The following RAD51B variants were observed in gnomAD, a reference collection of about 807,000 sequenced individuals.
RAD51B encodes the protein RAD51 paralog B, also known as DNA repair protein RAD51 homolog 2.
Under a neutral mutation model 42.2 loss-of-function variants are expected in RAD51B, and 38 were observed. That is an observed-to-expected ratio of 0.90 (90% CI 0.70 to 1.18). The LOEUF (loss-of-function observed/expected upper bound fraction) is 1.18. RAD51B is among the 50% of genes most tolerant of loss of function. The probability of loss-of-function intolerance (pLI) is 0.00; values close to 1 mark genes in which losing one functional copy is unlikely to be tolerated. For missense variants in RAD51B, 373 were observed against 400.7 expected (o/e 0.93, Z 0.59); for synonymous variants, 154 against 145.2 (o/e 1.06, Z -0.43).
chr14:68,570,873 C>CCACACACACACACACACA (rs9323516), intron 10 of RAD51B, among the ~76,000 whole-genome samples: 12 of 150,348 alleles, frequency 8.0e-5, no homozygotes, highest in African/African-American at 2.7e-4. Flanking sequence ...GGCTGGAGCG[C>CCACACACACACACACACA]CACACACACA....
chr14:68,468,911 T>TA (rs2086052546), intron 10 of RAD51B, among the ~76,000 whole-genome samples: 1 of 152,218 alleles, frequency 6.6e-6, no homozygotes. Context: ...AGATGCTAGA[T>TA]ACGCCAGTGG....
intron 7 of RAD51B, among the ~76,000 whole-genome samples, chr14:67,987,597 T>TC (rs35284405): frequency 0.027 from 4,093 of 152,276 alleles, 192 homozygotes; most frequent in African/African-American, 0.093. Flanking sequence ...TCTTTTTTTT[T>TC]CCTATTTTAA....
chr14:67,969,402 T>C (rs563096856), intron 7 of RAD51B, among the ~76,000 whole-genome samples: 1 of 152,326 alleles, frequency 6.6e-6, no homozygotes, highest in Non-Finnish European at 1.5e-5. Flanking sequence ...TTCTACCCAA[T>C]TACTGACATT....
chr14:68,176,976 A>C (rs1456736346), intron 7 of RAD51B, among the ~76,000 whole-genome samples: 1 of 152,152 alleles, frequency 6.6e-6, no homozygotes, highest in African/African-American at 2.4e-5. Flanking sequence ...TCTGTTCATA[A>C]TATTGTCATC....
At chr14:68,125,736 A>G (rs2077743351) in intron 7 of RAD51B, among the ~76,000 whole-genome samples, 2 of 150,220 alleles carry the variant, frequency 1.3e-5, no homozygotes, top group Non-Finnish European at 2.9e-5. Flanking sequence ...GGTATTTAAG[A>G]GGTTTTTGTT....
chr14:68,239,532 T>G (rs2080339718), intron 7 of RAD51B, among the ~76,000 whole-genome samples: 1 of 151,844 alleles, frequency 6.6e-6, no homozygotes, highest in South Asian at 2.1e-4. Flanking sequence ...TTTTTTAAAC[T>G]GGGCACCAGG....
chr14:68,478,130 A>G (rs893517449), downstream of RAD51B: 34 of 1,028,086 alleles, frequency 3.3e-5, no homozygotes, highest in Non-Finnish European at 3.9e-5. Context: ...GGGTCTCCAA[A>G]TAGTAACCGA....
At chr14:68,112,503 A>G (rs1157037969) in intron 7 of RAD51B, among the ~76,000 whole-genome samples, 1 of 152,144 alleles carries the variant, frequency 6.6e-6, no homozygotes. Context: ...CACAAATCTA[A>G]TTCTTCATGC....
Position 67,823,527 on chromosome 14 carries a change from T to C in RAD51B, c.-2-15T>C, listed in dbSNP as rs1402744733. 6.2e-7 allele frequency: 1 copy of C among 1,609,040 alleles called. No individual in the cohort carries two copies. Among genetic ancestry groups the C allele is most frequent in the Non-Finnish European group, 8.5e-7 (1 of 1,177,526 alleles). On this transcript the variant is annotated splice_polypyrimidine_tract_variant and intron_variant, in intron 1 of 10. Transcript: ENST00000471583. ...GTTTTTTTCATGGTTCTTCTTTTCT[T>C]TGCTGGATCTGGAGGCATGGGTAGC...
intron 7 of RAD51B, among the ~76,000 whole-genome samples, chr14:68,111,669 C>A (rs1315516850): frequency 6.6e-6 from 1 of 152,054 alleles, no homozygotes; most frequent in Non-Finnish European, 1.5e-5. Flanking sequence ...CAAACTACTT[C>A]CTTTGTCCAG....
In RAD51B at chr14:68,515,440, CTTCTTT is replaced by C. The variant is rs1330185753; in HGVS notation, c.1036+47193_1036+47198del. 5.6e-3 allele frequency among the ~76,000 whole-genome samples: 698 copies of C among 124,720 alleles called. 4 individuals carry two copies. The highest frequency in any genetic ancestry group is 0.019 in the African/African-American group (666 of 34,604). The allele number at this position is 124,720 out of a possible 152,430, so 81.8% of individuals were successfully genotyped here. On this transcript the variant is annotated intron_variant, in intron 10 of 10. Coordinates refer to the RAD51B transcript ENST00000487270. ...TTTCTTTTCTTCCTTTCTTCTTCTT[CTTCTTT>C]TTTTTTTTTTTTTTTTTAGAGAGAT... is the stretch of plus-strand genomic sequence containing the variant.
At chr14:68,375,072 G>A (rs1334764278) in intron 8 of RAD51B, among the ~76,000 whole-genome samples, 1 of 152,012 alleles carries the variant, frequency 6.6e-6, no homozygotes, top group East Asian at 1.9e-4. Context: ...GTCATGGTTT[G>A]TAAAGGTTAG....
chr14:68,465,940 CAA>C (rs59348577), intron 9 of RAD51B, among the ~76,000 whole-genome samples: 5,902 of 129,030 alleles, frequency 0.046, 182 homozygotes, highest in Admixed American at 0.094. Flanking sequence ...GACTCTGTCT[CAA>C]AAAAAAAAAA....
At chr14:68,334,979 AC>A (rs1324144133) in intron 8 of RAD51B, among the ~76,000 whole-genome samples, 2 of 148,372 alleles carry the variant, frequency 1.3e-5, no homozygotes, top group Admixed American at 1.3e-4. Flanking sequence ...ATATAAAAAA[AC>A]AAACAAGAAC....
At chr14:68,055,826 A>G (rs2076464942) in intron 7 of RAD51B, among the ~76,000 whole-genome samples, 1 of 152,212 alleles carries the variant, frequency 6.6e-6, no homozygotes, top group Non-Finnish European at 1.5e-5. Flanking sequence ...GTGAGCAAAG[A>G]GACCTAGTGT....
intron 8 of RAD51B, among the ~76,000 whole-genome samples, chr14:68,358,174 T>A (rs911660648): frequency 2.0e-5 from 3 of 152,124 alleles, no homozygotes; most frequent in African/African-American, 7.2e-5. Context: ...TAGATCACCA[T>A]AACAGATATA....
chr14:68,512,131 G>A (rs1461438191), intron 10 of RAD51B, among the ~76,000 whole-genome samples: 2 of 152,204 alleles, frequency 1.3e-5, no homozygotes, highest in African/African-American at 4.8e-5. Context: ...TCAGATGAGT[G>A]CGAAATATCA....
chr14:67,907,582 A>G (rs923032439), intron 7 of RAD51B, among the ~76,000 whole-genome samples: 24 of 152,032 alleles, frequency 1.6e-4, no homozygotes, highest in Non-Finnish European at 5.9e-5. Flanking sequence ...CTGGGGGTCC[A>G]GCTGGAACAT....
intron 10 of RAD51B, among the ~76,000 whole-genome samples, chr14:68,585,211 G>A (rs994232049): frequency 3.3e-5 from 5 of 152,200 alleles, no homozygotes; most frequent in African/African-American, 1.2e-4. Flanking sequence ...AAAAAAGGCA[G>A]TGGTCACCTA....
Sources: allele counts gnomAD v4.1 joint callset (sites outside exome capture counted in the v4.1 genomes callset), GRCh38; gene constraint gnomAD v4.1.1; transcripts MANE v1.5; gene names NCBI Gene and HGNC (gene_info 2026-07-23, HGNC 2026-07-21).